ATG13: variants seen among roughly 807,000 people sequenced by gnomAD.
ATG13 encodes the protein autophagy-related protein 13.
A neutral mutation model predicts 65.5 loss-of-function variants in ATG13; 23 were observed. The observed-to-expected ratio is 0.35, with a 90% CI of 0.25 to 0.50. The LOEUF (loss-of-function observed/expected upper bound fraction) is 0.50, where lower values mean the gene tolerates loss of function less well. Ranked by LOEUF, ATG13 falls within the 20% of genes least tolerant of loss-of-function variation. The pLI, the probability that ATG13 is intolerant of heterozygous loss-of-function variation, is 0.98. For missense variants in ATG13, 566 were observed against 677.0 expected, an observed-to-expected ratio of 0.84 and a Z score of 1.82; for synonymous variants, 252 against 245.2, an observed-to-expected ratio of 1.03 and a Z score of -0.26.
At chr11:46,631,889 A>G (rs181778543) in intron 2 of ATG13, among the ~76,000 whole-genome samples, 1 of 152,270 alleles carries the variant, frequency 6.6e-6, no homozygotes, top group East Asian at 1.9e-4. Context: ...CAAAACAAAA[A>G]CAACCATTTA....
chr11:46,641,943 T>G (rs746647934), intron 2 of ATG13, among the ~76,000 whole-genome samples: 5 of 151,980 alleles, frequency 3.3e-5, no homozygotes, highest in Non-Finnish European at 5.9e-5. Context: ...CCTGGCTAAA[T>G]TTTTTTGTAT....
chr11:46,625,299 AG>A (rs1335674547), intron 1 of ATG13: 1 of 99,322 alleles, frequency 1.0e-5, no homozygotes, highest in Non-Finnish European at 2.0e-5. Context: ...TTTTTGATAC[AG>A]GGTTTTGCTT....
intron 2 of ATG13, among the ~76,000 whole-genome samples, chr11:46,634,493 G>A (rs1432902191): frequency 7.1e-6 from 1 of 141,494 alleles, no homozygotes; most frequent in East Asian, 2.0e-4. Flanking sequence ...CGCCTCCCGG[G>A]TTCAAGCAGT....
chr11:46,620,086 G>A (rs1447471111), intron 1 of ATG13, among the ~76,000 whole-genome samples: 1 of 151,402 alleles, frequency 6.6e-6, no homozygotes, highest in Non-Finnish European at 1.5e-5. Flanking sequence ...CAATTTGTCT[G>A]TGTTTTTTGT....
intron 7 of ATG13, among the ~76,000 whole-genome samples, chr11:46,650,879 T>C (rs942237881): frequency 2.0e-5 from 3 of 152,134 alleles, no homozygotes; most frequent in Non-Finnish European, 2.9e-5. Flanking sequence ...GCTGGGATTA[T>C]AGGTGTGAGC....
intron 18 of ATG13, among the ~76,000 whole-genome samples, 196 bp downstream of exon 18, chr11:46,669,728 CTTCT>C (rs1217395913): frequency 6.6e-6 from 1 of 152,180 alleles, no homozygotes; most frequent in Non-Finnish European, 1.5e-5. Flanking sequence ...AGCTTGGTTC[CTTCT>C]TTCTCTGCAC....
At chr11:46,668,071 G>A (rs1342030432) in intron 15 of ATG13, among the ~76,000 whole-genome samples, 184 bp downstream of exon 15, 1 of 152,212 alleles carries the variant, frequency 6.6e-6, no homozygotes, top group Non-Finnish European at 1.5e-5. Context: ...TCCAGAATAA[G>A]TTAAGAACTA....
chr11:46,645,480 GT>G (rs1044043456), intron 4 of ATG13, 61 bp downstream of exon 4: 2 of 1,399,890 alleles, frequency 1.4e-6, no homozygotes, highest in African/African-American at 2.9e-5. Context: ...AATGTGTAAA[GT>G]TCTCAAGTGC....
chr11:46,650,035 C>A, intron 6 of ATG13, 142 bp from the exon 7 acceptor site: 1 of 869,876 alleles, frequency 1.1e-6, no homozygotes, highest in South Asian at 2.9e-5. Flanking sequence ...GAAAGTAAAA[C>A]ATTGGCTTAC....
chr11:46,631,218 G>T (rs1044909114), intron 2 of ATG13, among the ~76,000 whole-genome samples: 1 of 152,104 alleles, frequency 6.6e-6, no homozygotes, highest in African/African-American at 2.4e-5. Flanking sequence ...GAATGACAGG[G>T]TCTCACTCTG....
chr11:46,645,455 G>A, intron 4 of ATG13, 36 bp downstream of exon 4: 1 of 1,563,846 alleles, frequency 6.4e-7, no homozygotes, highest in Non-Finnish European at 8.8e-7. Flanking sequence ...GTATACTGTA[G>A]TGTTTGTCAC....
chr11:46,669,078 A>G (rs1234208700), intron 17 of ATG13, among the ~76,000 whole-genome samples, 168 bp downstream of exon 17: 1 of 152,202 alleles, frequency 6.6e-6, no homozygotes, highest in African/African-American at 2.4e-5. Flanking sequence ...AGGCCGATAA[A>G]CAACAAGGCA....
rs1204653440 is a variant in ATG13 at position 46,659,867 on chromosome 11, AT to A, written c.789+384del. On this transcript the variant is annotated intron_variant, in intron 11 of 18. Transcript: ENST00000683050. Reference sequence around the variant, plus strand: ...TGGAAGAGGCCCCAAAGAGCCAAAAATTATTTAGCATAAAATGACAGGGAGA... The same window carrying A: ...TGGAAGAGGCCCCAAAGAGCCAAAAATATTTAGCATAAAATGACAGGGAGA... 6.1e-5 allele frequency: 10 copies of A among 163,362 alleles called. No homozygotes were observed. In the East Asian group the frequency reaches 1.8e-3, roughly 29 times the overall value. The allele number at this position is 163,362 out of a possible 1,614,324, so 10.1% of individuals were successfully genotyped here.
chr11:46,667,658 A>C, intron 14 of ATG13, 115 bp from the exon 15 acceptor site: 5 of 659,408 alleles, frequency 7.6e-6, no homozygotes, highest in African/African-American at 3.6e-5. Flanking sequence ...TTGATGGGCC[A>C]GTGGGGACCA....
intron 1 of ATG13, among the ~76,000 whole-genome samples, chr11:46,626,429 G>T (rs997909869): frequency 3.3e-5 from 5 of 150,912 alleles, no homozygotes; most frequent in Non-Finnish European, 5.9e-5. Context: ...TTCTTATTTT[G>T]AGTAGAGACA....
intron 15 of ATG13, 25 bp downstream of exon 15, chr11:46,667,912 G>C: frequency 6.4e-7 from 1 of 1,563,962 alleles, no homozygotes; most frequent in Non-Finnish European, 8.8e-7. Context: ...ACTGCCACCT[G>C]TGAGAATGTC....
chr11:46,629,589 G>T (rs927976993), intron 1 of ATG13, among the ~76,000 whole-genome samples: 16 of 151,852 alleles, frequency 1.1e-4, no homozygotes, highest in Admixed American at 2.6e-4. Flanking sequence ...TAGAGACGGG[G>T]TTTCTCCATG....
chr11:46,665,303 A>G, intron 13 of ATG13, 80 bp from the exon 14 acceptor site: 1 of 1,521,542 alleles, frequency 6.6e-7, no homozygotes, highest in South Asian at 1.2e-5. Flanking sequence ...TCAAAAGCAG[A>G]TACCATCATG....
At chr11:46,664,995 G>A in intron 13 of ATG13, 36 bp downstream of exon 13, 2 of 1,584,270 alleles carry the variant, frequency 1.3e-6, no homozygotes, top group South Asian at 2.2e-5. Flanking sequence ...TGGGTTTCCA[G>A]TGCTGCCTCC....
Sources: allele counts gnomAD v4.1 joint callset (sites outside exome capture counted in the v4.1 genomes callset), GRCh38; gene constraint gnomAD v4.1.1; transcripts MANE v1.5; gene names NCBI Gene and HGNC (gene_info 2026-07-23, HGNC 2026-07-21).